The following ELMO1 variants were observed in gnomAD, a reference collection of about 807,000 sequenced individuals.
The protein encoded by ELMO1 is engulfment and cell motility 1, also known as engulfment and cell motility protein 1.
In ELMO1, 26 loss-of-function variants were observed where a neutral mutation model predicts 98.9. That is an observed-to-expected ratio of 0.26 (90% confidence interval 0.19 to 0.36). The LOEUF is 0.36. Ranked by LOEUF, ELMO1 falls within the 10% of genes least tolerant of loss-of-function variation. The probability of loss-of-function intolerance (pLI) is 1.00; values close to 1 mark genes in which losing one functional copy is unlikely to be tolerated. For missense variants in ELMO1, 627 were observed against 935.2 expected, an observed-to-expected ratio of 0.67 and a Z score of 4.30; for synonymous variants, 346 against 346.0, an observed-to-expected ratio of 1.00 and a Z score of 0.00.
chr7:37,397,235 C>T (rs1363490009), intron 1 of ELMO1, among the ~76,000 whole-genome samples: 3 of 152,240 alleles, frequency 2.0e-5, no homozygotes, highest in African/African-American at 4.8e-5. Flanking sequence ...CATGACCTCT[C>T]AAATTAGACT....
chr7:37,356,675 G>A (rs1377218901), intron 1 of ELMO1, among the ~76,000 whole-genome samples: 1 of 151,738 alleles, frequency 6.6e-6, no homozygotes, highest in Non-Finnish European at 1.5e-5. Context: ...CAGGTTGATG[G>A]GAGCAGCAAA....
Position 36,854,687 on chromosome 7 carries a change from C to T in ELMO1, c.*864G>A, listed in dbSNP as rs180678558. On this transcript the variant is annotated 3_prime_UTR_variant, in exon 22 of 22. Coordinates refer to ENST00000310758, the MANE Select transcript of ELMO1 (RefSeq NM_014800.11). ...CCTCCCAGGAGAAGGTAACACCAAA[C>T]GCTTGGATAGCAACAGTCCGTCCTA... 3.9e-5 allele frequency: 6 copies of T among 152,726 alleles called. No individual in the cohort carries two copies. In the East Asian group the frequency reaches 5.8e-4, roughly 15 times the overall value. 9.5% of individuals were successfully genotyped at this position (152,726 alleles called of 1,614,324 possible).
chr7:37,092,193 A>C (rs1432722134), intron 15 of ELMO1, among the ~76,000 whole-genome samples: 1 of 152,088 alleles, frequency 6.6e-6, no homozygotes, highest in Admixed American at 6.5e-5. Flanking sequence ...CTCATGAATA[A>C]AGCAGGTTAA....
At chr7:37,289,433 C>A (rs1367620396) in intron 4 of ELMO1, among the ~76,000 whole-genome samples, 1 of 152,188 alleles carries the variant, frequency 6.6e-6, no homozygotes, top group Admixed American at 6.5e-5. Flanking sequence ...GCAACACATC[C>A]TGCACAGAAA....
At chr7:37,188,501 A>AT (rs1554438184) in intron 13 of ELMO1, among the ~76,000 whole-genome samples, 3,826 of 125,916 alleles carry the variant, frequency 0.03, 332 homozygotes, top group African/African-American at 0.11. Flanking sequence ...AAAAAAAAAA[A>AT]AATAATAATA....
chr7:37,205,298 A>C (rs746375907), intron 13 of ELMO1, among the ~76,000 whole-genome samples: 19 of 152,200 alleles, frequency 1.2e-4, no homozygotes, highest in Non-Finnish European at 2.6e-4. Context: ...GAACAATATT[A>C]AATTGTTTCT....
intron 13 of ELMO1, among the ~76,000 whole-genome samples, chr7:37,185,682 T>C (rs1344386368): frequency 6.6e-6 from 1 of 152,224 alleles, no homozygotes; most frequent in Non-Finnish European, 1.5e-5. Context: ...GTACTCTTCT[T>C]AGGGATCATT....
chr7:37,366,538 G>C (rs1801909392), intron 1 of ELMO1, among the ~76,000 whole-genome samples: 1 of 152,164 alleles, frequency 6.6e-6, no homozygotes, highest in Non-Finnish European at 1.5e-5. Context: ...AGGAGCACAA[G>C]CAAGACAAAG....
At chr7:37,137,789 G>A (rs141911782) in intron 13 of ELMO1, among the ~76,000 whole-genome samples, 288 of 152,132 alleles carry the variant, frequency 1.9e-3, no homozygotes, top group African/African-American at 6.4e-3. Context: ...CACCCACCTC[G>A]GCCTTCCAAA....
intron 15 of ELMO1, among the ~76,000 whole-genome samples, chr7:37,073,023 A>G (rs1385971627): frequency 1.3e-5 from 2 of 152,256 alleles, no homozygotes; most frequent in Non-Finnish European, 2.9e-5. Context: ...GGCAACATCT[A>G]TCTAAGTAAC....
chr7:37,419,037 C>A lies in ELMO1; in HGVS notation c.-74+29638G>T, dbSNP rs369938146. Among the ~76,000 whole-genome samples, 60 of 152,124 alleles carry A rather than the reference C, an allele frequency of 3.9e-4. No individual in the cohort carries two copies. The South Asian group carries it at 0.012, about 30-fold the overall frequency. On this transcript the variant is annotated intron_variant, in intron 1 of 21. Transcript: ENST00000310758. ...GACTCCCCCATAACCCCACTCCTAC[C>A]CCCCAGGACTGAGCCCGCAGAGGAG...
rs78927911 is a variant in ELMO1 at position 36,876,508 on chromosome 7, G to C, written c.1822+1502C>G. Among the ~76,000 whole-genome samples, 1,443 of 151,688 alleles carry C rather than the reference G, an allele frequency of 9.5e-3. 20 individuals carry two copies. Among genetic ancestry groups the C allele is most frequent in the African/African-American group, 0.032 (1,341 of 41,326 alleles). On this transcript the variant is annotated intron_variant, in intron 19 of 21. Coordinates refer to ENST00000310758, the MANE Select transcript of ELMO1 (RefSeq NM_014800.11). Reference sequence around the variant, plus strand: ...GCCACATTTGGGGAATCACAGTTCTGAAACTTGTGCATGTCAGAACTGGCG... The same window carrying C: ...GCCACATTTGGGGAATCACAGTTCTCAAACTTGTGCATGTCAGAACTGGCG...
Position 37,275,205 on chromosome 7 carries a change from C to T in ELMO1, c.193-3323G>A, listed in dbSNP as rs577405195. Among the ~76,000 whole-genome samples, 4 of 152,308 alleles carry T rather than the reference C, an allele frequency of 2.6e-5. No homozygotes were observed. The South Asian group carries it at 8.3e-4, about 32-fold the overall frequency. ...CATACATGACAGCAAATAATCAAGA[C>T]TGGATTCCTAACTGCTAAGGAATGC... is the stretch of plus-strand genomic sequence containing the variant. On this transcript the variant is annotated intron_variant, in intron 4 of 21. Transcript: ENST00000310758.
At position 37,259,365 on chromosome 7, in the gene ELMO1, G is replaced by A; in HGVS notation, c.244-15C>T. 6.2e-7 allele frequency: 1 copy of A among 1,610,876 alleles called. No homozygotes were observed. Among genetic ancestry groups the A allele is most frequent in the East Asian group, 2.2e-5 (1 of 44,808 alleles). ...GCGTTCTGAGCCTTATGGGGCAAAA[G>A]CAAAGGGAAGAGTGTTGACAAACGA... On this transcript the variant is annotated splice_polypyrimidine_tract_variant and intron_variant, in intron 5 of 21. Coordinates refer to ENST00000310758, the MANE Select transcript of ELMO1 (RefSeq NM_014800.11).
chr7:37,346,637 A>G (rs1231265283), intron 1 of ELMO1, among the ~76,000 whole-genome samples: 1 of 152,260 alleles, frequency 6.6e-6, no homozygotes, highest in Non-Finnish European at 1.5e-5. Context: ...TCCTAGCATA[A>G]GAATTAAGAA....
chr7:37,290,928 A>G (rs1027177672), intron 4 of ELMO1, among the ~76,000 whole-genome samples: 14 of 152,290 alleles, frequency 9.2e-5, no homozygotes, highest in East Asian at 7.7e-4. Context: ...AGATGATGAC[A>G]CTGAAGAAGA....
intron 16 of ELMO1, among the ~76,000 whole-genome samples, chr7:36,953,272 T>C (rs1320624577): frequency 1.3e-5 from 2 of 152,162 alleles, no homozygotes; most frequent in Admixed American, 1.3e-4. Flanking sequence ...TCTCTTGACA[T>C]ACTACTCTTG....
chr7:37,087,663 A>G (rs1317560419), intron 15 of ELMO1, among the ~76,000 whole-genome samples: 1 of 152,188 alleles, frequency 6.6e-6, no homozygotes, highest in Non-Finnish European at 1.5e-5. Flanking sequence ...TTCAGTGTCC[A>G]CTGCTAGCAA....
chr7:37,211,549 A>G (rs1554443456), intron 12 of ELMO1, 32 bp from the exon 13 acceptor site: 18 of 1,608,672 alleles, frequency 1.1e-5, no homozygotes, highest in Middle Eastern at 1.7e-4. Flanking sequence ...AAGAAAAGGG[A>G]GGGGAAAAAG....
Sources: gnomAD v4.1 joint callset for allele counts (sites outside exome capture counted in the v4.1 genomes callset) on GRCh38, gnomAD v4.1.1 for gene constraint, MANE v1.5 for transcripts, NCBI Gene and HGNC (gene_info 2026-07-23, HGNC 2026-07-21) for gene names.